PAH: variants seen among roughly 807,000 people sequenced by gnomAD.
The protein encoded by PAH is phenylalanine-4-hydroxylase.
Under a neutral mutation model 62.0 loss-of-function variants are expected in PAH, and 64 were observed. That is an observed-to-expected ratio of 1.03 (90% CI 0.84 to 1.27). The LOEUF is 1.27. Ranked by LOEUF, PAH falls within the 50% of genes most tolerant of loss-of-function variation. The pLI, the probability that PAH is intolerant of heterozygous loss-of-function variation, is 0.00. For missense variants in PAH, 579 were observed against 542.8 expected, an observed-to-expected ratio of 1.07 and a Z score of -0.66; for synonymous variants, 195 against 196.2, an observed-to-expected ratio of 0.99 and a Z score of 0.05.
intron 3 of PAH, among the ~76,000 whole-genome samples, chr12:102,886,590 T>C (rs948796014): frequency 6.6e-6 from 1 of 152,076 alleles, no homozygotes; most frequent in African/African-American, 2.4e-5. Context: ...TCAAGCAACA[T>C]TGGGTCAAAC....
chr12:102,852,848 C>T lies in PAH; in HGVS notation c.809G>A (p.Arg270Lys), dbSNP rs62514950. Residue 270 changes from arginine to lysine, a missense_variant, in exon 7 of 13, where the codon AGA becomes AAA. Transcript: ENST00000553106. ...FRVFHCTQYI[R>K]HGSKPMYTPE... ...GGTATACATGGGCTTGGATCCATGT[C>T]TGATGTACTGTGTGCAGTGGAAGAC... 11 of 1,614,072 alleles carry T rather than the reference C, an allele frequency of 6.8e-6. No homozygotes were observed. The highest frequency in any genetic ancestry group is 5.0e-5 in the Admixed American group (3 of 60,008).
intron 5 of PAH, among the ~76,000 whole-genome samples, chr12:102,856,334 G>T (rs1432237575): frequency 3.3e-5 from 5 of 152,142 alleles, no homozygotes; most frequent in African/African-American, 4.8e-5. Context: ...TAAAAGTCCG[G>T]GAAGCTCAAA....
chr12:102,931,437 G>A (rs1461079279), intron 1 of PAH, among the ~76,000 whole-genome samples: 1 of 152,158 alleles, frequency 6.6e-6, no homozygotes, highest in Non-Finnish European at 1.5e-5. Context: ...CTGCCTTGAG[G>A]GTTGATGATG....
intron 1 of PAH, among the ~76,000 whole-genome samples, chr12:102,928,294 G>T (rs1438414305): frequency 1.3e-5 from 2 of 152,084 alleles, no homozygotes; most frequent in Admixed American, 6.6e-5. Context: ...TCCTTTCTTT[G>T]TGTTACAAAC....
intron 2 of PAH, among the ~76,000 whole-genome samples, chr12:102,901,850 C>A (rs1877773924): frequency 6.6e-6 from 1 of 152,102 alleles, no homozygotes; most frequent in Non-Finnish European, 1.5e-5. Flanking sequence ...CAGTTAAGCA[C>A]CATTTTTGTG....
At chr12:102,843,886 C>T (rs1175455432) in intron 10 of PAH, 107 bp from the exon 11 acceptor site, 4 of 1,243,810 alleles carry the variant, frequency 3.2e-6, no homozygotes, top group Non-Finnish European at 4.7e-6. Context: ...ACCCCGATTC[C>T]TTCTACATCA....
intron 11 of PAH, 96 bp from the exon 12 acceptor site, chr12:102,840,611 C>T (rs1223571826): frequency 3.1e-5 from 26 of 840,118 alleles, no homozygotes; most frequent in Non-Finnish European, 5.4e-5. Flanking sequence ...TTTTTAGGAA[C>T]ACGGACACCT....
At chr12:102,887,589 G>A (rs181963171) in intron 3 of PAH, among the ~76,000 whole-genome samples, 2 of 152,162 alleles carry the variant, frequency 1.3e-5, no homozygotes, top group African/African-American at 4.8e-5. Context: ...TGAAACTTAA[G>A]GATGTCTAAG....
chr12:102,877,629 G>T (rs1317892547), intron 3 of PAH, 79 bp from the exon 4 acceptor site: 7 of 1,062,774 alleles, frequency 6.6e-6, no homozygotes, highest in Non-Finnish European at 8.8e-6. Flanking sequence ...CAGAAGTGGG[G>T]ATCCCAGCCA....
intron 1 of PAH, among the ~76,000 whole-genome samples, chr12:102,933,066 C>T (rs1054150453): frequency 3.3e-5 from 5 of 152,128 alleles, no homozygotes; most frequent in South Asian, 2.1e-4. Context: ...AAATACTAGA[C>T]GTTTTTCATT....
chr12:102,885,424 T>G (rs576391741), intron 3 of PAH, among the ~76,000 whole-genome samples: 1 of 152,310 alleles, frequency 6.6e-6, no homozygotes, highest in South Asian at 2.1e-4. Context: ...TGTGAGCCCC[T>G]TAACAGCCTC....
In PAH at chr12:102,878,448, G is replaced by A. The variant is rs74956347; in HGVS notation, c.353-898C>T. Among the ~76,000 whole-genome samples, 448 of 152,240 alleles carry A rather than the reference G, an allele frequency of 2.9e-3. 3 individuals are homozygous for A. The highest frequency in any genetic ancestry group is 0.01 in the African/African-American group (431 of 41,548). On this transcript the variant is annotated intron_variant, in intron 3 of 12. Transcript: ENST00000553106. ...ACACCTGGGTCTTGCAGAGAGAGGG[G>A]CCCAGGGAGAAGGGCAGGTGGCAGC...
chr12:102,896,009 C>T (rs1592979816), intron 2 of PAH, among the ~76,000 whole-genome samples: 2 of 151,884 alleles, frequency 1.3e-5, no homozygotes, highest in South Asian at 4.1e-4. Context: ...AATAAAGATG[C>T]TTTCCTTTAT....
At chr12:102,870,936 G>A (rs1032982678) in intron 4 of PAH, among the ~76,000 whole-genome samples, 2 of 152,178 alleles carry the variant, frequency 1.3e-5, no homozygotes, top group African/African-American at 4.8e-5. Flanking sequence ...TAAGCCAGGA[G>A]TTATTGTTTT....
chr12:102,914,012 T>C, intron 1 of PAH: 2 of 577,892 alleles, frequency 3.5e-6, no homozygotes, highest in Non-Finnish European at 6.1e-6. Context: ...TGTTACATCA[T>C]CTCAATGAGA....
At chr12:102,927,121 T>C (rs73173952) in intron 1 of PAH, among the ~76,000 whole-genome samples, 39 of 152,100 alleles carry the variant, frequency 2.6e-4, no homozygotes, top group Non-Finnish European at 3.7e-4. Flanking sequence ...GGCTCAGCCA[T>C]TGATAACAGA....
chr12:102,924,107 C>T (rs1878624398), intron 1 of PAH, among the ~76,000 whole-genome samples: 1 of 152,174 alleles, frequency 6.6e-6, no homozygotes, highest in East Asian at 1.9e-4. Flanking sequence ...ATACTTCTCC[C>T]CTTCCAATGG....
rs527508648 is a variant in PAH at position 102,893,190 on chromosome 12, G to A, written c.352+1545C>T. ...TGAGGCGGGTGGTTCACCTGAGGTCGAGAGTTTGAGACCAGCTTGACAAAC... is the reference window on the plus strand; with the variant it reads ...TGAGGCGGGTGGTTCACCTGAGGTCAAGAGTTTGAGACCAGCTTGACAAAC... On this transcript the variant is annotated intron_variant, in intron 3 of 12. Transcript: ENST00000553106. Among the ~76,000 whole-genome samples, 8 of 152,142 alleles carry A rather than the reference G, an allele frequency of 5.3e-5. No individual in the cohort carries two copies. The South Asian group carries it at 6.2e-4, about 12-fold the overall frequency.
At chr12:102,917,294 G>C (rs1878424912), upstream of PAH, 4 of 688,522 alleles carry the variant, frequency 5.8e-6, no homozygotes. Context: ...AACGCCCCTC[G>C]TGGGCGTTGT....
Sources: allele counts gnomAD v4.1 joint callset (sites outside exome capture counted in the v4.1 genomes callset), GRCh38; gene constraint gnomAD v4.1.1; transcripts MANE v1.5; gene names NCBI Gene and HGNC (gene_info 2026-07-23, HGNC 2026-07-21).